Variants in DPP6 observed in about 807,000 individuals in gnomAD.
DPP6 encodes dipeptidyl peptidase like 6.
In DPP6, 69 loss-of-function variants were observed where a neutral mutation model predicts 122.6. The ratio of observed to expected loss-of-function variants is 0.56; its 90% confidence interval spans 0.46 to 0.69. The LOEUF (loss-of-function observed/expected upper bound fraction) is 0.69, where lower values mean the gene tolerates loss of function less well. DPP6 is among the 30% of genes least tolerant of loss of function. The pLI is 0.00. For synonymous variants in DPP6, 418 were observed against 433.1 expected (o/e 0.97, Z 0.43); for missense variants, 928 against 1,116.9 (o/e 0.83, Z 2.41).
At chr7:154,219,463 C>G (rs1265629209) in intron 1 of DPP6, among the ~76,000 whole-genome samples, 2 of 152,208 alleles carry the variant, frequency 1.3e-5, no homozygotes, top group East Asian at 3.8e-4. Flanking sequence ...GAACATCTGG[C>G]ATTGTTGAAG....
At chr7:154,767,883 G>A (rs6950520) in intron 8 of DPP6, among the ~76,000 whole-genome samples, 31,710 of 152,134 alleles carry the variant, frequency 0.21, 4,115 homozygotes, top group Non-Finnish European at 0.29. Flanking sequence ...CATTGCCTTC[G>A]GTGGGGGGCT....
At chr7:154,723,186 A>ATTGCTT (rs1398329206) in intron 7 of DPP6, among the ~76,000 whole-genome samples, 62 of 152,280 alleles carry the variant, frequency 4.1e-4, no homozygotes, top group Non-Finnish European at 7.1e-4. Context: ...TAAGCCCAGG[A>ATTGCTT]AACAGGTTTA....
intron 1 of DPP6, among the ~76,000 whole-genome samples, chr7:154,128,888 C>T (rs550390224): frequency 6.7e-6 from 1 of 150,112 alleles, no homozygotes; most frequent in South Asian, 2.2e-4. Flanking sequence ...TGCAACTTAC[C>T]AAAGGGTAAC....
Position 154,531,779 on chromosome 7 carries a change from C to T in DPP6, c.458-8753C>T, listed in dbSNP as rs529918339. On this transcript the variant is annotated intron_variant, in intron 3 of 25. Coordinates refer to ENST00000377770, the MANE Select transcript of DPP6 (RefSeq NM_130797.4). ...AAGTATAATTGCGTGGAAGTGGACACGGACCTGAAAGCTTAACAGGTTTCT... is the reference window on the plus strand; with the variant it reads ...AAGTATAATTGCGTGGAAGTGGACATGGACCTGAAAGCTTAACAGGTTTCT... Among the ~76,000 whole-genome samples, 10 of 152,126 alleles carry T rather than the reference C, an allele frequency of 6.6e-5. No individual in the cohort carries two copies. The East Asian group carries it at 1.3e-3, about 21-fold the overall frequency.
At chr7:153,781,773 T>A in the DPP6 span, among the ~76,000 whole-genome samples, 1 of 152,034 alleles carries the variant, frequency 6.6e-6, no homozygotes, top group Non-Finnish European at 1.5e-5. Flanking sequence ...AGAATCACAG[T>A]GTATCATTCC....
intron 14 of DPP6, among the ~76,000 whole-genome samples, chr7:154,804,686 T>C (rs940956509): frequency 6.6e-6 from 1 of 152,180 alleles, no homozygotes; most frequent in African/African-American, 2.4e-5. Flanking sequence ...CAGAGGCCAG[T>C]GCAGGGGGCA....
intron 1 of DPP6, among the ~76,000 whole-genome samples, chr7:154,003,783 C>G (rs377569457): frequency 1.3e-5 from 2 of 152,104 alleles, no homozygotes; most frequent in Admixed American, 6.5e-5. Context: ...TTCTCTGCCT[C>G]CTGGGACTGG....
intron 1 of DPP6, among the ~76,000 whole-genome samples, chr7:154,116,430 A>C (rs1188417304): frequency 6.6e-6 from 1 of 152,242 alleles, no homozygotes. Context: ...TGATTACTGC[A>C]CAATGGCTTT....
the DPP6 span, among the ~76,000 whole-genome samples, chr7:153,770,825 T>C: frequency 4.6e-5 from 7 of 152,162 alleles, no homozygotes; most frequent in African/African-American, 1.4e-4. Flanking sequence ...TGAATATAAA[T>C]GTGGATAAAA....
At chr7:154,253,549 A>G (rs1384977696) in intron 1 of DPP6, among the ~76,000 whole-genome samples, 2 of 152,250 alleles carry the variant, frequency 1.3e-5, no homozygotes. Context: ...GTGATTTCAC[A>G]TATCACGATT....
In DPP6 at chr7:154,668,464, C is replaced by T. The variant is rs1691598469; in HGVS notation, c.681-896C>T. On this transcript the variant is annotated intron_variant, in intron 6 of 25. Coordinates refer to ENST00000377770, the MANE Select transcript of DPP6 (RefSeq NM_130797.4). Reference sequence around the variant, plus strand: ...CTCGATCTCCTGACCTCGTGATCGACCGCCTCAGCCTCCCAAAGTGCTGGG... The same window carrying T: ...CTCGATCTCCTGACCTCGTGATCGATCGCCTCAGCCTCCCAAAGTGCTGGG... Among the ~76,000 whole-genome samples the T allele has an allele frequency of 2.0e-5, 3 of 151,676 alleles. No homozygotes were observed. The South Asian group carries it at 6.3e-4, about 32-fold the overall frequency.
chr7:154,757,084 C>T (rs1473154234), intron 8 of DPP6, among the ~76,000 whole-genome samples: 1 of 151,276 alleles, frequency 6.6e-6, no homozygotes, highest in South Asian at 2.1e-4. Flanking sequence ...CCCTGAAGAA[C>T]TGGCCAGCCC....
At chr7:154,342,773 T>C (rs6955669) in intron 1 of DPP6, among the ~76,000 whole-genome samples, 17,032 of 152,162 alleles carry the variant, frequency 0.11, 1,393 homozygotes, top group African/African-American at 0.22. Context: ...AATGCGAGAT[T>C]CCAAATGACA....
At chr7:154,376,740 G>A (rs989649476) in intron 1 of DPP6, among the ~76,000 whole-genome samples, 1 of 152,148 alleles carries the variant, frequency 6.6e-6, no homozygotes, top group African/African-American at 2.4e-5. Flanking sequence ...AATCTCTCCA[G>A]TTAATAGCTT....
chr7:154,652,487 A>G (rs1188270291), intron 6 of DPP6, among the ~76,000 whole-genome samples: 1 of 151,284 alleles, frequency 6.6e-6, no homozygotes, highest in Admixed American at 6.6e-5. Context: ...GTGTCCTTGG[A>G]TAATAGATGC....
chr7:154,340,717 A>G (rs1809853993), intron 1 of DPP6, among the ~76,000 whole-genome samples: 1 of 152,212 alleles, frequency 6.6e-6, no homozygotes, highest in Non-Finnish European at 1.5e-5. Context: ...GGTGGCAATT[A>G]TTGCAAAAAA....
chr7:154,575,919 C>T (rs1258316068), intron 5 of DPP6, among the ~76,000 whole-genome samples: 1 of 151,954 alleles, frequency 6.6e-6, no homozygotes, highest in African/African-American at 2.4e-5. Context: ...TCGATTCTTT[C>T]GTGTATAGCT....
At chr7:154,271,240 T>C (rs1803768119) in intron 1 of DPP6, among the ~76,000 whole-genome samples, 2 of 152,200 alleles carry the variant, frequency 1.3e-5, no homozygotes, top group African/African-American at 4.8e-5. Flanking sequence ...TGATACCCCA[T>C]TTATGTGTCG....
Position 154,626,363 on chromosome 7 carries a change from G to T in DPP6, c.628-11458G>T, listed in dbSNP as rs76568168. Among the ~76,000 whole-genome samples, 745 of 152,258 alleles carry T rather than the reference G, an allele frequency of 4.9e-3. 1 individual carries two copies. The highest frequency in any genetic ancestry group is 8.7e-3 in the Non-Finnish European group (589 of 68,010). ...TGAAATCACAAGTGAAATTTTTATTGTTCATCTCCTAAATGTAAGCTTTTT... is the reference window on the plus strand; with the variant it reads ...TGAAATCACAAGTGAAATTTTTATTTTTCATCTCCTAAATGTAAGCTTTTT... On this transcript the variant is annotated intron_variant, in intron 5 of 25. Coordinates refer to ENST00000377770, the MANE Select transcript of DPP6 (RefSeq NM_130797.4).
Sources: gnomAD v4.1 joint callset for allele counts (sites outside exome capture counted in the v4.1 genomes callset) on GRCh38, gnomAD v4.1.1 for gene constraint, MANE v1.5 for transcripts, NCBI Gene and HGNC (gene_info 2026-07-23, HGNC 2026-07-21) for gene names.